Variants in NDRG1 observed in about 807,000 individuals in gnomAD.
The protein encoded by NDRG1 is N-myc downstream regulated 1.
In NDRG1, 32 loss-of-function variants were observed where a neutral mutation model predicts 56.9. The observed-to-expected ratio is 0.56, with a 90% CI of 0.42 to 0.76. The LOEUF is 0.76. Among genes scored for constraint, NDRG1 ranks in the 30% least tolerant of loss-of-function variants. The pLI is 0.00. For missense variants in NDRG1, 507 were observed against 545.7 expected, an observed-to-expected ratio of 0.93 and a Z score of 0.71; for synonymous variants, 211 against 204.1, an observed-to-expected ratio of 1.03 and a Z score of -0.29.
At chr8:133,270,166 T>A (rs1857121569) in intron 3 of NDRG1, among the ~76,000 whole-genome samples, 1 of 152,182 alleles carries the variant, frequency 6.6e-6, no homozygotes, top group South Asian at 2.1e-4. Context: ...CACTTAGAGA[T>A]TTACAGTCTA....
At chr8:133,293,961 G>A (rs1372104783) in intron 1 of NDRG1, among the ~76,000 whole-genome samples, 1 of 152,234 alleles carries the variant, frequency 6.6e-6, no homozygotes, top group Non-Finnish European at 1.5e-5. Context: ...CCAAGAAGAT[G>A]CCTTGAGAAT....
At chr8:133,283,866 A>T (rs1857949286) in intron 2 of NDRG1, among the ~76,000 whole-genome samples, 2 of 152,342 alleles carry the variant, frequency 1.3e-5, no homozygotes, top group South Asian at 4.1e-4. Flanking sequence ...CCCATGTTGC[A>T]TGTTCTATAA....
intron 12 of NDRG1, among the ~76,000 whole-genome samples, 194 bp from the exon 13 acceptor site, chr8:133,246,857 C>T (rs1358455359): frequency 6.6e-6 from 1 of 152,188 alleles, no homozygotes; most frequent in African/African-American, 2.4e-5. Flanking sequence ...GCTGTGACAA[C>T]TTGGATAAGT....
chr8:133,295,174 T>C (rs1586510478), intron 1 of NDRG1, among the ~76,000 whole-genome samples: 1 of 152,302 alleles, frequency 6.6e-6, no homozygotes, highest in African/African-American at 2.4e-5. Flanking sequence ...GCACAGTCTA[T>C]TACCTCGCCC....
chr8:133,256,636 G>A, intron 8 of NDRG1, 141 bp downstream of exon 8: 1 of 768,712 alleles, frequency 1.3e-6, no homozygotes, highest in South Asian at 1.5e-5. Flanking sequence ...AAAGCAGAGG[G>A]AACTGGAGTG....
intron 9 of NDRG1, among the ~76,000 whole-genome samples, chr8:133,253,161 T>C (rs1314474839): frequency 6.6e-6 from 1 of 152,358 alleles, no homozygotes; most frequent in Admixed American, 6.5e-5. Flanking sequence ...TGGCCCCAGC[T>C]AGAGACACAA....
chr8:133,276,780 A>T (rs988398901), intron 3 of NDRG1, among the ~76,000 whole-genome samples: 5 of 152,212 alleles, frequency 3.3e-5, no homozygotes, highest in African/African-American at 1.2e-4. Context: ...CCAGTTTCTG[A>T]TATGTCCTTA....
At chr8:133,288,389 G>T (rs988122780) in intron 1 of NDRG1, 3 of 152,302 alleles carry the variant, frequency 2.0e-5, no homozygotes, top group African/African-American at 7.2e-5. Context: ...GAAGGACCCA[G>T]TTCTGGCAGA....
chr8:133,290,900 T>C (rs868110870), intron 1 of NDRG1, among the ~76,000 whole-genome samples: 10 of 152,306 alleles, frequency 6.6e-5, no homozygotes, highest in South Asian at 4.1e-4. Context: ...CGGGAGAGGC[T>C]GGGTATTATA....
chr8:133,259,279 G>A (rs560855687), intron 5 of NDRG1, 49 bp from the exon 6 acceptor site: 19 of 1,575,824 alleles, frequency 1.2e-5, no homozygotes, highest in East Asian at 4.5e-5. Flanking sequence ...ACAGAAACGG[G>A]TAATCCAAAC....
chr8:133,245,075 C>A (rs1241946368), intron 13 of NDRG1, among the ~76,000 whole-genome samples: 1 of 152,090 alleles, frequency 6.6e-6, no homozygotes, highest in Non-Finnish European at 1.5e-5. Context: ...CAGCCCAGGG[C>A]GCCTCAAGTC....
chr8:133,245,755 G>A (rs186023933), intron 13 of NDRG1, among the ~76,000 whole-genome samples: 4 of 152,272 alleles, frequency 2.6e-5, no homozygotes, highest in Admixed American at 6.5e-5. Flanking sequence ...TGTGACAACC[G>A]CCCTCAAAGT....
chr8:133,288,222 G>C (rs146041597), intron 1 of NDRG1: 53 of 152,436 alleles, frequency 3.5e-4, no homozygotes, highest in African/African-American at 1.3e-3. Context: ...CGGAGGAGGG[G>C]GCTGGGCCCA....
At chr8:133,263,808 T>C (rs1299813534) in intron 4 of NDRG1, among the ~76,000 whole-genome samples, 1 of 150,184 alleles carries the variant, frequency 6.7e-6, no homozygotes, top group South Asian at 2.1e-4. Flanking sequence ...CCCAGGTACT[T>C]GGGAGGCTGA....
chr8:133,288,611 T>G (rs1858261274), intron 1 of NDRG1, among the ~76,000 whole-genome samples: 1 of 152,192 alleles, frequency 6.6e-6, no homozygotes, highest in South Asian at 2.1e-4. Flanking sequence ...TCCCTCTGCC[T>G]CATGCAAAGT....
intron 1 of NDRG1, among the ~76,000 whole-genome samples, chr8:133,293,167 G>C (rs1161198895): frequency 1.3e-5 from 2 of 152,184 alleles, no homozygotes; most frequent in African/African-American, 2.4e-5. Flanking sequence ...CCTTCCTGTG[G>C]GGCCTCAGTG....
chr8:133,248,825 C>T (rs1266237713), intron 10 of NDRG1, 54 bp from the exon 11 acceptor site: 15 of 1,602,248 alleles, frequency 9.4e-6, no homozygotes, highest in Non-Finnish European at 1.1e-5. Flanking sequence ...GGAGAAATCT[C>T]CCACTCCCAT....
intron 11 of NDRG1, 84 bp from the exon 12 acceptor site, chr8:133,248,010 C>T (rs755666046): frequency 1.4e-5 from 18 of 1,330,652 alleles, no homozygotes; most frequent in Admixed American, 5.0e-5. Flanking sequence ...CTGGGGCCTG[C>T]ATTCTACAAA....
chr8:133,267,143 C>T (rs1189691834), intron 3 of NDRG1, among the ~76,000 whole-genome samples: 2 of 152,104 alleles, frequency 1.3e-5, no homozygotes, highest in East Asian at 3.9e-4. Flanking sequence ...GAGACAAGCA[C>T]CCCAGCTCAC....
Sources: gnomAD v4.1 joint callset for allele counts (sites outside exome capture counted in the v4.1 genomes callset) on GRCh38, gnomAD v4.1.1 for gene constraint, MANE v1.5 for transcripts, NCBI Gene and HGNC (gene_info 2026-07-23, HGNC 2026-07-21) for gene names.